Variants in FBN2 observed in about 807,000 individuals in gnomAD.
FBN2 encodes fibrillin 2, also known as fibrillin-2.
In FBN2, 105 loss-of-function variants were observed where a neutral mutation model predicts 355.6. The ratio of observed to expected loss-of-function variants is 0.30; its 90% CI spans 0.25 to 0.35. FBN2 has a LOEUF of 0.35. Among genes scored for constraint, FBN2 ranks in the 10% least tolerant of loss-of-function variants. The pLI, the probability that FBN2 is intolerant of heterozygous loss-of-function variation, is 1.00. For synonymous variants in FBN2, 1,350 were observed against 1,301.2 expected (o/e 1.04, Z -0.81); for missense variants, 3,280 against 3,758.7 (o/e 0.87, Z 3.33).
Position 128,328,805 on chromosome 5 carries a change from T to C in FBN2, c.4362A>G (p.Ala1454=), listed in dbSNP as rs2126886871. 1 of 1,614,190 alleles carries C rather than the reference T, an allele frequency of 6.2e-7. No individual in the cohort carries two copies. The highest frequency in any genetic ancestry group is 1.7e-5 in the Admixed American group (1 of 60,024). Reference sequence around the variant, plus strand: ...CGTTCTCACAGAGGTTTATGTTTTCTGCACACTCATCAACATCTGTGCAAA... The same window carrying C: ...CGTTCTCACAGAGGTTTATGTTTTCCGCACACTCATCAACATCTGTGCAAA... ...GFTCSDVDEC[A]ENINLCENGQ... Residue 1454 remains alanine, a synonymous_variant, in exon 34 of 65, where the codon GCA becomes GCG. Coordinates refer to ENST00000262464, the MANE Select transcript of FBN2 (RefSeq NM_001999.4).
intron 30 of FBN2, 85 bp downstream of exon 30, chr5:128,335,085 G>A (rs2126896242): frequency 6.4e-7 from 1 of 1,567,468 alleles, no homozygotes; most frequent in South Asian, 1.1e-5. Context: ...AACAGAAAAA[G>A]CCTTCCTTTT....
intron 15 of FBN2, among the ~76,000 whole-genome samples, chr5:128,373,868 T>A (rs114211411): frequency 3.8e-4 from 58 of 152,272 alleles, no homozygotes; most frequent in African/African-American, 1.4e-3. Flanking sequence ...ATAAAATATA[T>A]ATTCTTGCTC....
intron 5 of FBN2, among the ~76,000 whole-genome samples, chr5:128,491,885 T>C (rs1223381835): frequency 2.6e-5 from 4 of 152,222 alleles, no homozygotes; most frequent in Non-Finnish European, 5.9e-5. Context: ...AGGTACTTTT[T>C]TGAGCTATTC....
At chr5:128,464,967 C>T in intron 5 of FBN2, 46 bp from the exon 6 acceptor site, 1 of 1,564,552 alleles carries the variant, frequency 6.4e-7, no homozygotes, top group Admixed American at 1.7e-5. Flanking sequence ...TGATCATATA[C>T]TAATCTTATA....
intron 6 of FBN2, among the ~76,000 whole-genome samples, chr5:128,462,532 CCTGTTA>C (rs1459075530): frequency 6.6e-6 from 1 of 152,118 alleles, no homozygotes; most frequent in African/African-American, 2.4e-5. Flanking sequence ...TCATTTTGTT[CCTGTTA>C]CTGTGTTAAT....
intron 36 of FBN2, among the ~76,000 whole-genome samples, chr5:128,315,231 T>A (rs1750171022): frequency 6.6e-6 from 1 of 152,212 alleles, no homozygotes; most frequent in Non-Finnish European, 1.5e-5. Flanking sequence ...AAAACAACTT[T>A]ATTAGCAATA....
chr5:128,362,320 G>T (rs1010356732), intron 18 of FBN2, among the ~76,000 whole-genome samples: 2 of 152,148 alleles, frequency 1.3e-5, no homozygotes, highest in African/African-American at 4.8e-5. Context: ...GCAGTTAAAA[G>T]ACATTCATTA....
intron 5 of FBN2, among the ~76,000 whole-genome samples, chr5:128,488,222 T>C (rs1217698230): frequency 6.6e-6 from 1 of 152,132 alleles, no homozygotes; most frequent in Non-Finnish European, 1.5e-5. Context: ...AATTTTAAGC[T>C]GGCATTCACT....
chr5:128,475,186 G>A (rs1306821314), intron 5 of FBN2, among the ~76,000 whole-genome samples: 1 of 151,956 alleles, frequency 6.6e-6, no homozygotes, highest in Non-Finnish European at 1.5e-5. Flanking sequence ...GACATCCCCC[G>A]GTCTCATCTC....
intron 63 of FBN2, among the ~76,000 whole-genome samples, chr5:128,262,225 T>A (rs1387423809): frequency 6.6e-6 from 1 of 152,076 alleles, no homozygotes; most frequent in Admixed American, 6.5e-5. Flanking sequence ...TAATTTTTTT[T>A]AATTTTCATG....
intron 46 of FBN2, among the ~76,000 whole-genome samples, chr5:128,302,718 G>A (rs1749752284): frequency 6.6e-6 from 1 of 152,102 alleles, no homozygotes; most frequent in Non-Finnish European, 1.5e-5. Flanking sequence ...TGTTTACTGT[G>A]ATCTGAATGA....
chr5:128,335,968 C>T lies in FBN2; in HGVS notation c.3724+20G>A, dbSNP rs767453181. The T allele has an allele frequency of 1.5e-5, 25 of 1,613,412 alleles. No homozygotes were observed. The highest frequency in any genetic ancestry group is 3.3e-5 in the South Asian group (3 of 91,024). The stretch of plus-strand genomic sequence containing the variant: ...TGATTTGAGACATATGAGTTTCAGG[C>T]CTGCTTGGTCTCCCCTTACCTGTAC... On this transcript the variant is annotated intron_variant, in intron 28 of 64. Transcript: ENST00000262464.
chr5:128,476,941 G>A (rs1349721307), intron 5 of FBN2, among the ~76,000 whole-genome samples: 1 of 152,148 alleles, frequency 6.6e-6, no homozygotes, highest in Non-Finnish European at 1.5e-5. Context: ...TGTGATTGAT[G>A]ACTTACCACC....
At chr5:128,525,539 C>T (rs902645720) in intron 4 of FBN2, among the ~76,000 whole-genome samples, 1 of 152,148 alleles carries the variant, frequency 6.6e-6, no homozygotes, top group Non-Finnish European at 1.5e-5. Flanking sequence ...CCAGTTCTTT[C>T]TTAGCCTCCC....
intron 5 of FBN2, among the ~76,000 whole-genome samples, chr5:128,518,265 G>C (rs1012747710): frequency 1.4e-5 from 2 of 145,306 alleles, no homozygotes; most frequent in African/African-American, 4.9e-5. Context: ...GATCCATAAT[G>C]AGGGATCAAT....
intron 12 of FBN2, 109 bp from the exon 13 acceptor site, chr5:128,377,986 G>T: frequency 3.0e-6 from 3 of 998,222 alleles, no homozygotes; most frequent in African/African-American, 1.7e-5. Context: ...TACTTCTTTA[G>T]CAAAATTTCT....
At chr5:128,349,498 G>T in intron 22 of FBN2, 26 bp from the exon 23 acceptor site, 1 of 1,612,442 alleles carries the variant, frequency 6.2e-7, no homozygotes, top group South Asian at 1.1e-5. Context: ...GCAAGCAGAG[G>T]AGCAAAGATG....
intron 6 of FBN2, among the ~76,000 whole-genome samples, chr5:128,460,841 T>G (rs1640035086): frequency 6.6e-6 from 1 of 152,092 alleles, no homozygotes; most frequent in African/African-American, 2.4e-5. Context: ...TCCTTACACC[T>G]TATACAAAAA....
intron 46 of FBN2, 62 bp from the exon 47 acceptor site, chr5:128,301,572 G>C: frequency 1.3e-6 from 2 of 1,514,372 alleles, no homozygotes; most frequent in Non-Finnish European, 1.8e-6. Context: ...TGTTTCACAA[G>C]ACGCTACTTA....
Sources: allele counts gnomAD v4.1 joint callset (sites outside exome capture counted in the v4.1 genomes callset), GRCh38; gene constraint gnomAD v4.1.1; transcripts MANE v1.5; gene names NCBI Gene and HGNC (gene_info 2026-07-23, HGNC 2026-07-21).